The following PREX1 variants were observed in gnomAD, a reference collection of about 807,000 sequenced individuals.
PREX1 encodes phosphatidylinositol 3,4,5-trisphosphate-dependent Rac exchanger 1 protein.
A neutral mutation model predicts 198.3 loss-of-function variants in PREX1; 41 were observed. The ratio of observed to expected loss-of-function variants is 0.21; its 90% CI spans 0.16 to 0.27. PREX1 has a LOEUF of 0.27. Among genes scored for constraint, PREX1 ranks in the 10% least tolerant of loss-of-function variants. PREX1 has a pLI of 1.00. For missense variants in PREX1, 1,620 were observed against 2,200.7 expected (o/e 0.74, Z 5.28); for synonymous variants, 843 against 887.2 (o/e 0.95, Z 0.89).
chr20:48,801,239 C>T (rs1364810568), intron 1 of PREX1, among the ~76,000 whole-genome samples: 4 of 152,192 alleles, frequency 2.6e-5, no homozygotes, highest in Non-Finnish European at 5.9e-5. Flanking sequence ...GGAAACCATG[C>T]GAGCTGCGTA....
At chr20:48,634,159 GATGGATGGATGGATGC>G (rs199991511) in intron 33 of PREX1, among the ~76,000 whole-genome samples, 15,498 of 140,314 alleles carry the variant, frequency 0.11, 922 homozygotes, top group South Asian at 0.19. Flanking sequence ...TGGATGGATG[GATGGATGGATGGATGC>G]ATGGATGGAT....
At chr20:48,828,197 C>A (rs1193040918), upstream of PREX1, among the ~76,000 whole-genome samples, 9 of 151,024 alleles carry the variant, frequency 6.0e-5, no homozygotes, top group Non-Finnish European at 1.3e-4. Flanking sequence ...GCGCGGCGCT[C>A]GGCGCCTCCG....
At chr20:48,732,356 A>T (rs2090038087) in intron 4 of PREX1, among the ~76,000 whole-genome samples, 1 of 152,014 alleles carries the variant, frequency 6.6e-6, no homozygotes. Flanking sequence ...TTGGAGACTG[A>T]GTGAAGGAGA....
intron 1 of PREX1, among the ~76,000 whole-genome samples, chr20:48,805,969 CA>C (rs1176885029): frequency 6.6e-6 from 1 of 152,232 alleles, no homozygotes; most frequent in Admixed American, 6.5e-5. Context: ...ATGTGCCAGA[CA>C]CTGCTCTAGA....
At chr20:48,741,172 T>C (rs549484723) in intron 3 of PREX1, among the ~76,000 whole-genome samples, 108 of 152,254 alleles carry the variant, frequency 7.1e-4, no homozygotes, top group Non-Finnish European at 1.3e-3. Flanking sequence ...TACTCAGATA[T>C]AGCAAAAATT....
rs145848270 is a variant in PREX1, at chr20:48,769,701, A to G, written c.220-21821T>C. Among the ~76,000 whole-genome samples, 60 of 152,218 alleles carry G rather than the reference A, an allele frequency of 3.9e-4. 1 individual carries two copies. The East Asian group carries it at 0.011, about 27-fold the overall frequency. On this transcript the variant is annotated intron_variant, in intron 1 of 39. Coordinates refer to ENST00000371941, the MANE Select transcript of PREX1 (RefSeq NM_020820.4). ...GGAACGCCTGTCACCACGTAACCAC[A>G]TGACTCATTCACTCTGCTCCTTCAG...
intron 35 of PREX1, among the ~76,000 whole-genome samples, chr20:48,631,133 G>A (rs2089311113): frequency 6.6e-6 from 1 of 152,116 alleles, no homozygotes; most frequent in Non-Finnish European, 1.5e-5. Flanking sequence ...TGGGCTTACT[G>A]GTTTACTGTT....
the PREX1 span, among the ~76,000 whole-genome samples, chr20:48,843,782 T>G: frequency 2.0e-5 from 3 of 152,088 alleles, no homozygotes; most frequent in African/African-American, 7.2e-5. Flanking sequence ...GATGTGGATT[T>G]CAGAAAAATC....
chr20:48,858,857 C>T, the PREX1 span, among the ~76,000 whole-genome samples: 1 of 152,166 alleles, frequency 6.6e-6, no homozygotes, highest in Non-Finnish European at 1.5e-5. Context: ...GTGTGCTACT[C>T]ACTGTACTGC....
intron 1 of PREX1, among the ~76,000 whole-genome samples, chr20:48,807,538 G>T (rs1309880441): frequency 6.6e-6 from 1 of 152,128 alleles, no homozygotes; most frequent in Non-Finnish European, 1.5e-5. Flanking sequence ...AACAAAACTG[G>T]AATAAACATC....
the PREX1 span, among the ~76,000 whole-genome samples, chr20:48,838,232 C>T: frequency 1.3e-5 from 2 of 152,172 alleles, no homozygotes; most frequent in African/African-American, 4.8e-5. Flanking sequence ...GGGATTCACT[C>T]TGGAATCATT....
At chr20:48,690,481 C>A (rs577557483) in intron 9 of PREX1, among the ~76,000 whole-genome samples, 1 of 152,012 alleles carries the variant, frequency 6.6e-6, no homozygotes, top group Non-Finnish European at 1.5e-5. Context: ...TGCACGCCCA[C>A]CCCCAAGCCC....
At chr20:48,651,156 G>C in intron 22 of PREX1, 101 bp from the exon 23 acceptor site, 5 of 1,431,478 alleles carry the variant, frequency 3.5e-6, no homozygotes, top group Non-Finnish European at 4.7e-6. Context: ...TACCCCCCGG[G>C]AAGTCAGGTG....
At chr20:48,669,910 C>T (rs2089663896) in intron 14 of PREX1, among the ~76,000 whole-genome samples, 1 of 152,138 alleles carries the variant, frequency 6.6e-6, no homozygotes, top group African/African-American at 2.4e-5. Context: ...GGACCCCAGA[C>T]AGCCTCTTTA....
chr20:48,715,602 C>G (rs1027364706), intron 5 of PREX1, among the ~76,000 whole-genome samples: 2 of 152,112 alleles, frequency 1.3e-5, no homozygotes, highest in African/African-American at 2.4e-5. Context: ...AGACTCACCC[C>G]CTAAGGCTAA....
chr20:48,676,106 T>C (rs929044956), intron 14 of PREX1, 87 bp downstream of exon 14: 266 of 1,313,224 alleles, frequency 2.0e-4, no homozygotes, highest in Non-Finnish European at 2.6e-4. Flanking sequence ...TTAAAAGCAA[T>C]AAGAAAAAAT....
At chr20:48,738,398 T>C (rs778474955) in intron 3 of PREX1, among the ~76,000 whole-genome samples, 6 of 152,184 alleles carry the variant, frequency 3.9e-5, no homozygotes, top group Non-Finnish European at 1.5e-5. Context: ...GGCCCAACGC[T>C]TGAGGCTTGG....
Position 48,785,232 on chromosome 20 carries a change from G to A in PREX1, c.220-37352C>T, listed in dbSNP as rs143847524. On this transcript the variant is annotated intron_variant, in intron 1 of 39. Coordinates refer to ENST00000371941, the MANE Select transcript of PREX1 (RefSeq NM_020820.4). ...CCCAGCCAGATATAATTTCTATTTC[G>A]ATGAAGCATATTTTTTTAAAGTGCT... is the stretch of plus-strand genomic sequence containing the variant. Among the ~76,000 whole-genome samples, 295 of 152,240 alleles carry A rather than the reference G, an allele frequency of 1.9e-3. 3 individuals carry two copies. The highest frequency in any genetic ancestry group is 6.1e-3 in the African/African-American group (254 of 41,548).
At chr20:48,713,860 A>T (rs2089948559) in intron 5 of PREX1, among the ~76,000 whole-genome samples, 1 of 111,660 alleles carries the variant, frequency 9.0e-6, no homozygotes, top group Non-Finnish European at 1.8e-5. Flanking sequence ...AGAACTATAA[A>T]AAAAAAAAAA....
Sources: gnomAD v4.1 joint callset for allele counts (sites outside exome capture counted in the v4.1 genomes callset) on GRCh38, gnomAD v4.1.1 for gene constraint, MANE v1.5 for transcripts, NCBI Gene and HGNC (gene_info 2026-07-23, HGNC 2026-07-21) for gene names.